HYAL4: variants seen among roughly 807,000 people sequenced by gnomAD.
HYAL4 encodes the protein hyaluronidase 4.
A neutral mutation model predicts 35.2 loss-of-function variants in HYAL4; 37 were observed. That is an observed-to-expected ratio of 1.05 (90% CI 0.81 to 1.38). The LOEUF is 1.38. Ranked by LOEUF, HYAL4 falls within the 40% of genes most tolerant of loss-of-function variation. HYAL4 has a pLI of 0.00. For missense variants in HYAL4, 572 were observed against 572.4 expected (o/e 1.00, Z 0.01); for synonymous variants, 198 against 203.2 (o/e 0.97, Z 0.22).
At chr7:123,819,793 A>G in the HYAL4 span, among the ~76,000 whole-genome samples, 3 of 152,188 alleles carry the variant, frequency 2.0e-5, no homozygotes, top group African/African-American at 4.8e-5. Context: ...ATGGCATAAT[A>G]TATATGTGAC....
Position 123,868,338 on chromosome 7 carries a change from G to A in HYAL4, c.65G>A (p.Trp22Ter), listed in dbSNP as rs1422318144. 26 of 1,598,090 alleles carry A rather than the reference G, an allele frequency of 1.6e-5. No homozygotes were observed. Among genetic ancestry groups the A allele is most frequent in the Admixed American group, 1.8e-5 (1 of 55,508 alleles). Reference sequence around the variant, plus strand: ...GTTCAACCAGTACATCTCACTTCATGGCTCCTTATATTTTTTATTCTAAAG... The same window carrying A: ...GTTCAACCAGTACATCTCACTTCATAGCTCCTTATATTTTTTATTCTAAAG... ...CVVQPVHLTS[W>*]LLIFFILKSI... The change falls in exon 3 of 5, where the codon TGG (tryptophan) becomes TAG (stop). Residue 22 changes from tryptophan to a stop codon, truncating the protein, a stop_gained. Transcript: ENST00000223026. LOFTEE classifies it high-confidence loss of function.
At chr7:123,857,676 T>C (rs1402436577) in intron 2 of HYAL4, among the ~76,000 whole-genome samples, 51 of 77,440 alleles carry the variant, frequency 6.6e-4, no homozygotes, top group South Asian at 1.0e-3. Flanking sequence ...TTTGTTTCTT[T>C]CTTTCTTTCT....
At chr7:123,776,701 G>A in the HYAL4 span, among the ~76,000 whole-genome samples, 1 of 152,186 alleles carries the variant, frequency 6.6e-6, no homozygotes, top group African/African-American at 2.4e-5. Context: ...TTGTAGGTGT[G>A]AACCACTGTG....
chr7:123,799,528 C>T, the HYAL4 span, among the ~76,000 whole-genome samples: 1 of 151,420 alleles, frequency 6.6e-6, no homozygotes, highest in African/African-American at 2.4e-5. Flanking sequence ...GTGGCACATG[C>T]CTGTAATCCC....
At chr7:123,836,366 A>C (rs1584909243) in intron 1 of HYAL4, among the ~76,000 whole-genome samples, 2 of 152,198 alleles carry the variant, frequency 1.3e-5, no homozygotes, top group East Asian at 3.9e-4. Context: ...CTGTTGCTTT[A>C]AAGTTTGTTT....
At chr7:123,865,946 A>T (rs568154682) in intron 2 of HYAL4, among the ~76,000 whole-genome samples, 12 of 152,298 alleles carry the variant, frequency 7.9e-5, no homozygotes, top group Admixed American at 2.6e-4. Flanking sequence ...GGTGGCTGGC[A>T]AGAGAGCATG....
intron 1 of HYAL4, among the ~76,000 whole-genome samples, chr7:123,846,915 G>T (rs1302599272): frequency 6.6e-6 from 1 of 152,110 alleles, no homozygotes; most frequent in Admixed American, 6.5e-5. Context: ...AGACCTTCAG[G>T]TTCCCCATTG....
chr7:123,877,393 T>G lies in HYAL4; in HGVS notation c.*238T>G, dbSNP rs2116973696. 1 of 417,242 alleles carries G rather than the reference T, an allele frequency of 2.4e-6. No individual in the cohort carries two copies. The highest frequency in any genetic ancestry group is 3.6e-5 in the East Asian group (1 of 27,478). 25.8% of individuals were successfully genotyped at this position (417,242 alleles called of 1,614,324 possible). A position where few individuals can be genotyped will look rare whatever the true frequency, so the allele number is the denominator to read the frequency against. On this transcript the variant is annotated 3_prime_UTR_variant, in exon 5 of 5. Transcript: ENST00000223026. ...CCTTATTGGAATATTTAAGTTGCAT[T>G]TAAACTAAAACTAGTATAATTTAGT... is the stretch of plus-strand genomic sequence containing the variant.
the HYAL4 span, among the ~76,000 whole-genome samples, chr7:123,769,653 C>T: frequency 6.6e-6 from 1 of 152,072 alleles, no homozygotes; most frequent in African/African-American, 2.4e-5. Context: ...ACAAGTCCTC[C>T]TGAAGGAGGA....
intron 2 of HYAL4, among the ~76,000 whole-genome samples, chr7:123,854,555 T>C (rs1446921419): frequency 6.6e-6 from 1 of 152,192 alleles, no homozygotes; most frequent in Non-Finnish European, 1.5e-5. Flanking sequence ...TAATCCTGAG[T>C]TCTAATTTGA....
intron 1 of HYAL4, among the ~76,000 whole-genome samples, chr7:123,835,397 C>T (rs1487936867): frequency 6.6e-6 from 1 of 152,022 alleles, no homozygotes; most frequent in Non-Finnish European, 1.5e-5. Flanking sequence ...TTGAAATGAT[C>T]TTTTATATTT....
At chr7:123,830,075 C>G (rs900286657) in intron 1 of HYAL4, among the ~76,000 whole-genome samples, 1 of 152,150 alleles carries the variant, frequency 6.6e-6, no homozygotes, top group Non-Finnish European at 1.5e-5. Context: ...GCTGTTTGCA[C>G]TCCAGTAATT....
At chr7:123,814,514 TC>T in the HYAL4 span, 1 of 152,568 alleles carries the variant, frequency 6.6e-6, no homozygotes, top group Non-Finnish European at 1.5e-5. Flanking sequence ...TTGGTGGAGA[TC>T]AGAAGAACTT....
intron 2 of HYAL4, among the ~76,000 whole-genome samples, chr7:123,862,700 A>G (rs1806601447): frequency 6.6e-6 from 1 of 152,160 alleles, no homozygotes; most frequent in Admixed American, 6.6e-5. Context: ...ACTGGTTTGA[A>G]CTGCTCTCAT....
the HYAL4 span, among the ~76,000 whole-genome samples, chr7:123,771,751 G>T: frequency 1.3e-5 from 2 of 151,372 alleles, no homozygotes; most frequent in Non-Finnish European, 2.9e-5. Context: ...GGGTGTTTCT[G>T]GATGAGATTA....
chr7:123,854,013 T>C (rs1452842683), intron 2 of HYAL4, among the ~76,000 whole-genome samples: 2 of 152,198 alleles, frequency 1.3e-5, no homozygotes, highest in African/African-American at 4.8e-5. Context: ...TTTATTTGCA[T>C]AGAGGTGTTT....
Position 123,875,090 on chromosome 7 carries a change from G to A in HYAL4, c.1044+240G>A, listed in dbSNP as rs577588371. Among the ~76,000 whole-genome samples the A allele has an allele frequency of 3.3e-5, 5 of 152,152 alleles. No individual in the cohort carries two copies. In the East Asian group the frequency reaches 9.7e-4, roughly 29 times the overall value. On this transcript the variant is annotated intron_variant, in intron 4 of 4. Coordinates refer to ENST00000223026, the MANE Select transcript of HYAL4 (RefSeq NM_012269.3). ...GTTGTGCTAAGAGATTTTTTGAGTC[G>A]GATTTGCTCACTTACTGGTCATATG...
the HYAL4 span, among the ~76,000 whole-genome samples, chr7:123,822,710 G>A: frequency 2.6e-5 from 4 of 152,196 alleles, no homozygotes; most frequent in African/African-American, 9.6e-5. Context: ...TATAATCCCA[G>A]TACTTTGAGA....
chr7:123,863,326 G>GAA (rs1806617526), intron 2 of HYAL4, among the ~76,000 whole-genome samples: 1 of 148,690 alleles, frequency 6.7e-6, no homozygotes, highest in East Asian at 1.9e-4. Flanking sequence ...TGAACACTAA[G>GAA]TGCCTCTGCC....
Sources: allele counts gnomAD v4.1 joint callset (sites outside exome capture counted in the v4.1 genomes callset), GRCh38; gene constraint gnomAD v4.1.1; transcripts MANE v1.5; gene names NCBI Gene and HGNC (gene_info 2026-07-23, HGNC 2026-07-21).